Variants in TBL1X observed in about 807,000 individuals in gnomAD.
The protein encoded by TBL1X is transducin beta like 1 X-linked.
In TBL1X, 10 loss-of-function variants were observed where a neutral mutation model predicts 50.7. The ratio of observed to expected loss-of-function variants is 0.20; its 90% CI spans 0.12 to 0.33. The LOEUF (loss-of-function observed/expected upper bound fraction) is 0.33. Among genes scored for constraint, TBL1X ranks in the 10% least tolerant of loss-of-function variants. TBL1X has a pLI of 1.00. For missense variants in TBL1X, 340 were observed against 504.4 expected (o/e 0.67, Z 3.12); for synonymous variants, 190 against 214.7 (o/e 0.88, Z 1.01).
Position 9,628,835 on chromosome X carries a change from A to G in TBL1X, c.-130-11438A>G, listed in dbSNP as rs1186743637. Among the ~76,000 whole-genome samples, 4 of 112,312 alleles carry G rather than the reference A, an allele frequency of 3.6e-5. No individual in the cohort carries two copies. In the East Asian group the frequency reaches 1.1e-3, roughly 31 times the overall value. ...AGTGCTGGGATTACAGGCATGAGGC[A>G]CTGCGCCTGGCAGACTTGGATGTTT... is the stretch of plus-strand genomic sequence containing the variant. On this transcript the variant is annotated intron_variant, in intron 2 of 17. Transcript: ENST00000645353.
At chrX:9,610,172 T>C (rs984525418) in intron 2 of TBL1X, among the ~76,000 whole-genome samples, 3 of 112,080 alleles carry the variant, frequency 2.7e-5, no homozygotes, top group African/African-American at 9.7e-5. Flanking sequence ...ACTGTACCAC[T>C]CTCTCCTGAA....
In TBL1X at chrX:9,681,449, C is replaced by G. The variant is rs143108112; in HGVS notation, c.212-2594C>G. On this transcript the variant is annotated intron_variant, in intron 5 of 17. Transcript: ENST00000645353. ...TTTGTCCTTATGTGTGAAACAAAAA[C>G]AGTACCAACTCCAAACAGCTGCTAC... Among the ~76,000 whole-genome samples, 937 of 112,474 alleles carry G rather than the reference C, an allele frequency of 8.3e-3. 11 individuals are homozygous for G. Among genetic ancestry groups the G allele is most frequent in the African/African-American group, 0.029 (895 of 30,963 alleles).
At chrX:9,486,458 T>C (rs2081912940) in intron 1 of TBL1X, among the ~76,000 whole-genome samples, 1 of 110,517 alleles carries the variant, frequency 9.0e-6, no homozygotes, top group South Asian at 3.9e-4. Flanking sequence ...GGTCTCGAGC[T>C]CCTGGACTCA....
chrX:9,704,135 A>G (rs1462985265), intron 12 of TBL1X, among the ~76,000 whole-genome samples: 3 of 112,205 alleles, frequency 2.7e-5, no homozygotes, highest in Non-Finnish European at 5.6e-5. Context: ...GACCTGAGAA[A>G]GGCCCAAAGT....
At chrX:9,632,779 G>C (rs774515240) in intron 2 of TBL1X, among the ~76,000 whole-genome samples, 1 of 112,064 alleles carries the variant, frequency 8.9e-6, no homozygotes, top group African/African-American at 3.2e-5. Flanking sequence ...GTATTATGTA[G>C]AGGGTATGCA....
rs200509173 is a variant in TBL1X at position 9,653,644 on chromosome X, G to T, written c.58G>T (p.Ala20Ser). The T allele has an allele frequency of 1.8e-4, 212 of 1,172,265 alleles. No homozygotes were observed. In the East Asian group the frequency reaches 6.4e-3, roughly 35 times the overall value. ...SCCHRPAGRG[A>S]MQSVLHHFQR... ...CTGCCACCGCCCTGCAGGAAGAGGG[G>T]CCATGCAGTCAGTCTTGCACCACTT... The change falls in exon 4 of 18, where the codon GCC becomes TCC. Residue 20 changes from alanine (A) to serine (S), a missense_variant. Transcript: ENST00000645353.
intron 2 of TBL1X, among the ~76,000 whole-genome samples, chrX:9,629,618 G>A (rs2082710122): frequency 1.8e-5 from 2 of 112,190 alleles, no homozygotes; most frequent in South Asian, 7.4e-4. Flanking sequence ...GTGTACCAGA[G>A]TGTATTTATT....
At chrX:9,503,044 C>T (rs930138329) in intron 2 of TBL1X, among the ~76,000 whole-genome samples, 1 of 112,640 alleles carries the variant, frequency 8.9e-6, no homozygotes, top group Non-Finnish European at 1.9e-5. Flanking sequence ...CTAGAAGCCA[C>T]GGTGTTGGGA....
At chrX:9,599,164 G>T (rs781651978) in intron 2 of TBL1X, among the ~76,000 whole-genome samples, 32 of 109,843 alleles carry the variant, frequency 2.9e-4, no homozygotes, top group African/African-American at 1.0e-3. Context: ...GGCTGGTCTC[G>T]AACTCCTGAC....
chrX:9,479,543 G>C (rs1463845693), intron 1 of TBL1X, among the ~76,000 whole-genome samples: 1 of 112,469 alleles, frequency 8.9e-6, no homozygotes, highest in African/African-American at 3.2e-5. Context: ...ACATGACTCT[G>C]ATCTTTCAAA....
intron 1 of TBL1X, among the ~76,000 whole-genome samples, chrX:9,474,610 A>T (rs1474914050): frequency 8.8e-6 from 1 of 113,248 alleles, no homozygotes; most frequent in African/African-American, 3.2e-5. Flanking sequence ...TCGGAACTAG[A>T]TGACAGTACC....
intron 2 of TBL1X, among the ~76,000 whole-genome samples, chrX:9,630,632 C>T (rs755789765): frequency 1.8e-5 from 2 of 111,031 alleles, no homozygotes; most frequent in South Asian, 7.5e-4. Context: ...TTTTTTGACA[C>T]AGGGTCTTGC....
chrX:9,478,956 G>A (rs754642197), intron 1 of TBL1X, among the ~76,000 whole-genome samples: 2 of 112,135 alleles, frequency 1.8e-5, no homozygotes, highest in African/African-American at 6.5e-5. Flanking sequence ...GCTGAAATCC[G>A]GTAAAAAGAG....
intron 17 of TBL1X, among the ~76,000 whole-genome samples, chrX:9,715,342 G>A (rs1411218119): frequency 8.9e-6 from 1 of 111,899 alleles, no homozygotes; most frequent in Non-Finnish European, 1.9e-5. Context: ...TTTGGGAAAT[G>A]TGTCATTAGG....
upstream of TBL1X, among the ~76,000 whole-genome samples, chrX:9,463,836 A>G (rs1311197453): frequency 8.9e-6 from 1 of 112,242 alleles, no homozygotes; most frequent in Non-Finnish European, 1.9e-5. Context: ...GGAGGTTGCA[A>G]TGAGCCGACA....
At position 9,553,655 on chromosome X, in the gene TBL1X, C is replaced by T. The variant is rs144650881; in HGVS notation, c.-131+51806C>T. ...CTCTTGCAATGAGAAGCGACAGCCT[C>T]GTGGTGAAATTTGTTAGCTGTTTAT... On this transcript the variant is annotated intron_variant, in intron 2 of 17. Coordinates refer to ENST00000645353, the MANE Select transcript of TBL1X (RefSeq NM_005647.4). Among the ~76,000 whole-genome samples, 111 of 111,441 alleles carry T rather than the reference C, an allele frequency of 1.0e-3. 1 individual carries two copies. The East Asian group carries it at 0.03, about 30-fold the overall frequency.
At chrX:9,580,336 T>C (rs762010578) in intron 2 of TBL1X, among the ~76,000 whole-genome samples, 14 of 111,961 alleles carry the variant, frequency 1.3e-4, no homozygotes, top group Non-Finnish European at 2.3e-4. Context: ...CATCAATCAG[T>C]ATATGTAGGA....
In TBL1X at chrX:9,672,366, T is replaced by C. The variant is rs184287115; in HGVS notation, c.212-11677T>C. Reference sequence around the variant, plus strand: ...ACCTTAAAAGTGCCCAGCATTGATATGTTTTATGCCAAATTCTATTCCCTT... The same window carrying C: ...ACCTTAAAAGTGCCCAGCATTGATACGTTTTATGCCAAATTCTATTCCCTT... On this transcript the variant is annotated intron_variant, in intron 5 of 17. Transcript: ENST00000645353. Among the ~76,000 whole-genome samples the C allele has an allele frequency of 3.8e-3, 428 of 112,033 alleles. 2 individuals carry two copies. Among genetic ancestry groups the C allele is most frequent in the African/African-American group, 0.013 (414 of 30,814 alleles).
Position 9,654,234 on chromosome X carries a change from C to A in TBL1X, c.123C>A (p.Ile41=), listed in dbSNP as rs1039445025. 1 of 1,208,141 alleles carries A rather than the reference C, an allele frequency of 8.3e-7. No homozygotes were observed. Among genetic ancestry groups the A allele is most frequent in the African/African-American group, 1.8e-5 (1 of 56,738 alleles). The change falls in exon 5 of 18, where the codon ATC becomes ATA. Residue 41 remains isoleucine, a synonymous_variant. Coordinates refer to ENST00000645353, the MANE Select transcript of TBL1X (RefSeq NM_005647.4). ...LRGREGGSHF[I]NTSSPRGEAK... Reference sequence around the variant, plus strand: ...GAACAGAGGGTGGTTCCCACTTCATCAACACCTCATCGCCGCGAGGTGAGG... The same window carrying A: ...GAACAGAGGGTGGTTCCCACTTCATAAACACCTCATCGCCGCGAGGTGAGG...
Sources: allele counts gnomAD v4.1 joint callset (sites outside exome capture counted in the v4.1 genomes callset), GRCh38; gene constraint gnomAD v4.1.1; transcripts MANE v1.5; gene names NCBI Gene and HGNC (gene_info 2026-07-23, HGNC 2026-07-21).